ARHGAP28: variants seen among roughly 807,000 people sequenced by gnomAD.
ARHGAP28 encodes Rho GTPase activating protein 28.
In ARHGAP28, 56 loss-of-function variants were observed where a neutral mutation model predicts 90.7. The ratio of observed to expected loss-of-function variants is 0.62; its 90% CI spans 0.50 to 0.77. The LOEUF is 0.77. Ranked by LOEUF, ARHGAP28 falls within the 30% of genes least tolerant of loss-of-function variation. ARHGAP28 has a pLI of 0.00. For synonymous variants in ARHGAP28, 308 were observed against 323.3 expected (o/e 0.95, Z 0.51); for missense variants, 869 against 900.9 (o/e 0.96, Z 0.45).
chr18:6,826,891 C>T (rs974991324), intron 2 of ARHGAP28, among the ~76,000 whole-genome samples: 1 of 151,994 alleles, frequency 6.6e-6, no homozygotes, highest in Non-Finnish European at 1.5e-5. Flanking sequence ...TGATGACTCT[C>T]AACGAGCACT....
chr18:6,829,665 C>T (rs998643391), intron 2 of ARHGAP28, among the ~76,000 whole-genome samples: 6 of 152,180 alleles, frequency 3.9e-5, no homozygotes, highest in African/African-American at 1.4e-4. Context: ...CTCATGCCTC[C>T]CAATGACTTG....
intron 1 of ARHGAP28, among the ~76,000 whole-genome samples, chr18:6,753,577 G>C (rs560806782): frequency 2.0e-5 from 3 of 152,186 alleles, no homozygotes; most frequent in Non-Finnish European, 4.4e-5. Flanking sequence ...ACCTCACATA[G>C]TGTGAAATTT....
chr18:6,877,474 T>C (rs2143594909), intron 10 of ARHGAP28, among the ~76,000 whole-genome samples: 1 of 152,342 alleles, frequency 6.6e-6, no homozygotes, highest in African/African-American at 2.4e-5. Flanking sequence ...GCAGAAAATA[T>C]GGCTGAGCCA....
At chr18:6,882,109 A>T in intron 10 of ARHGAP28, 28 bp from the exon 11 acceptor site, 1 of 1,597,722 alleles carries the variant, frequency 6.3e-7, no homozygotes, top group Non-Finnish European at 8.5e-7. Context: ...AAGTGCATTG[A>T]ATACTGACTG....
At chr18:6,898,517 C>A in intron 16 of ARHGAP28, 1 of 1,613,990 alleles carries the variant, frequency 6.2e-7, no homozygotes, top group South Asian at 1.1e-5. Context: ...CGACAGAGAC[C>A]AACAGGAGCC....
intron 5 of ARHGAP28, among the ~76,000 whole-genome samples, chr18:6,860,827 AATAAT>A (rs1466607677): frequency 5.9e-5 from 9 of 152,174 alleles, no homozygotes; most frequent in African/African-American, 9.7e-5. Flanking sequence ...AGAGGAATAA[AATAAT>A]ATGAGTGACT....
chr18:6,813,336 G>A (rs896154066), intron 1 of ARHGAP28, among the ~76,000 whole-genome samples: 1 of 152,162 alleles, frequency 6.6e-6, no homozygotes, highest in Admixed American at 6.5e-5. Flanking sequence ...ATATACAGCA[G>A]TTGCTTTTTA....
At chr18:6,825,458 T>G (rs1054074481) in intron 2 of ARHGAP28, among the ~76,000 whole-genome samples, 1 of 152,222 alleles carries the variant, frequency 6.6e-6, no homozygotes, top group Non-Finnish European at 1.5e-5. Context: ...TGTCTTGTAT[T>G]CCACCAAATA....
At chr18:6,841,152 C>CTCTCTCTCCTCT (rs1369547091) in intron 3 of ARHGAP28, among the ~76,000 whole-genome samples, 1 of 112,236 alleles carries the variant, frequency 8.9e-6, no homozygotes, top group African/African-American at 3.3e-5. Flanking sequence ...CTGTCTCTCT[C>CTCTCTCTCCTCT]CTCTTTCTCT....
At chr18:6,853,621 C>T (rs988364035) in intron 4 of ARHGAP28, among the ~76,000 whole-genome samples, 4 of 152,050 alleles carry the variant, frequency 2.6e-5, no homozygotes, top group African/African-American at 9.7e-5. Flanking sequence ...TACAGGCATG[C>T]ACCACCATAC....
At position 6,889,939 on chromosome 18, in the gene ARHGAP28, A is replaced by T; in HGVS notation, c.1588A>T (p.Met530Leu). The T allele has an allele frequency of 6.2e-7, 1 of 1,614,218 alleles. No individual in the cohort carries two copies. The highest frequency in any genetic ancestry group is 8.5e-7 in the Non-Finnish European group (1 of 1,180,042). The change falls in exon 13 of 18, where the codon ATG becomes TTG. Residue 530 changes from methionine (M) to leucine (L), a missense_variant. Transcript: ENST00000383472. ...KVIANESKNR[M>L]SLWNISTVMA... ...GATTGCCAATGAATCAAAAAACCGA[A>T]TGAGTCTGTGGAACATTTCTACAGT... is the stretch of plus-strand genomic sequence containing the variant.
chr18:6,770,477 A>T (rs767285077), intron 1 of ARHGAP28, among the ~76,000 whole-genome samples: 5 of 152,188 alleles, frequency 3.3e-5, no homozygotes, highest in Non-Finnish European at 7.3e-5. Flanking sequence ...GTTACGTTAG[A>T]TGAAGAAAAA....
intron 3 of ARHGAP28, among the ~76,000 whole-genome samples, chr18:6,839,568 A>G (rs1277159156): frequency 6.6e-6 from 1 of 152,158 alleles, no homozygotes; most frequent in Non-Finnish European, 1.5e-5. Flanking sequence ...AAGTGCTGGG[A>G]TTACAGGCGT....
intron 1 of ARHGAP28, among the ~76,000 whole-genome samples, chr18:6,754,354 G>A (rs553642950): frequency 3.9e-5 from 6 of 152,208 alleles, no homozygotes; most frequent in East Asian, 1.9e-4. Context: ...TTGTTAAATC[G>A]TACTAGAAGA....
intron 16 of ARHGAP28, among the ~76,000 whole-genome samples, chr18:6,901,359 C>T (rs2057337275): frequency 6.6e-6 from 1 of 152,032 alleles, no homozygotes; most frequent in Non-Finnish European, 1.5e-5. Flanking sequence ...AATGGTGGTG[C>T]ACCCCCACTC....
At chr18:6,892,785 G>A (rs901743944) in intron 14 of ARHGAP28, among the ~76,000 whole-genome samples, 2 of 152,222 alleles carry the variant, frequency 1.3e-5, no homozygotes, top group Non-Finnish European at 2.9e-5. Flanking sequence ...TGATTAGACA[G>A]AGATTCTCTT....
chr18:6,849,142 C>T (rs545133527), intron 3 of ARHGAP28, among the ~76,000 whole-genome samples: 1 of 150,932 alleles, frequency 6.6e-6, no homozygotes, highest in Non-Finnish European at 1.5e-5. Flanking sequence ...CCTGTAGTCC[C>T]AGCTATTTGG....
At position 6,763,416 on chromosome 18, in the gene ARHGAP28, A is replaced by G. The variant is rs534501358; in HGVS notation, c.122+33473A>G. On this transcript the variant is annotated intron_variant, in intron 1 of 17. Coordinates refer to ENST00000383472, the MANE Select transcript of ARHGAP28 (RefSeq NM_001366230.1). Reference sequence around the variant, plus strand: ...TGATTTTATCATCCTAAATTTACCAATTAGAAAACTGGGGAAAAGAGGAGT... The same window carrying G: ...TGATTTTATCATCCTAAATTTACCAGTTAGAAAACTGGGGAAAAGAGGAGT... 2.8e-4 allele frequency among the ~76,000 whole-genome samples: 42 copies of G among 152,258 alleles called. 1 individual carries two copies. Among genetic ancestry groups the G allele is most frequent in the Admixed American group, 1.2e-3 (19 of 15,290 alleles).
chr18:6,814,688 G>T (rs2056578670), intron 1 of ARHGAP28, among the ~76,000 whole-genome samples: 1 of 152,192 alleles, frequency 6.6e-6, no homozygotes, highest in Admixed American at 6.5e-5. Flanking sequence ...ATACATAGTA[G>T]TGCTAGCTGT....
Sources: allele counts gnomAD v4.1 joint callset (sites outside exome capture counted in the v4.1 genomes callset), GRCh38; gene constraint gnomAD v4.1.1; transcripts MANE v1.5; gene names NCBI Gene and HGNC (gene_info 2026-07-23, HGNC 2026-07-21).